The following MTX3 variants were observed in gnomAD, a reference collection of about 807,000 sequenced individuals.
The protein encoded by MTX3 is metaxin-3.
MTX3 carries 27 observed loss-of-function variants against 42.5 expected under a neutral mutation model. The ratio of observed to expected loss-of-function variants is 0.64; its 90% CI spans 0.47 to 0.88. MTX3 has a LOEUF of 0.88. MTX3 is among the 40% of genes least tolerant of loss of function. The pLI, the probability that MTX3 is intolerant of heterozygous loss-of-function variation, is 0.00. For missense variants in MTX3, 378 were observed against 367.0 expected (o/e 1.03, Z -0.25); for synonymous variants, 144 against 132.9 (o/e 1.08, Z -0.57).
At chr5:79,985,515 T>C in intron 8 of MTX3, 56 bp downstream of exon 8, 1 of 1,180,876 alleles carries the variant, frequency 8.5e-7, no homozygotes, top group Non-Finnish European at 1.3e-6. Flanking sequence ...AATGACAATA[T>C]TAGCTACCGA....
At position 79,988,448 on chromosome 5, in the gene MTX3, A is replaced by G; in HGVS notation, c.504+14T>C. On this transcript the variant is annotated intron_variant, in intron 5 of 8. Transcript: ENST00000512528. ...TCTCTAGGGCCCTTGCTTGAAGAAT[A>G]ATCCATACTATACCTGTGCTTCCAC... 1 of 1,602,196 alleles carries G rather than the reference A, an allele frequency of 6.2e-7. No individual in the cohort carries two copies. Among genetic ancestry groups the G allele is most frequent in the East Asian group, 2.2e-5 (1 of 44,794 alleles).
intron 6 of MTX3, among the ~76,000 whole-genome samples, chr5:79,987,392 A>G (rs1296313142): frequency 6.7e-6 from 1 of 149,032 alleles, no homozygotes; most frequent in Non-Finnish European, 1.5e-5. Flanking sequence ...ATGAGCCAAG[A>G]TCATGCCACT....
chr5:79,987,309 G>A (rs1831517598), intron 6 of MTX3, among the ~76,000 whole-genome samples: 1 of 151,672 alleles, frequency 6.6e-6, no homozygotes, highest in Admixed American at 6.6e-5. Context: ...GCGTGGTGGT[G>A]GGCACCTGTA....
chr5:79,989,360 A>C lies in MTX3; in HGVS notation c.229-116T>G, dbSNP rs1222027. 1.4e-3 allele frequency: 904 copies of C among 648,092 alleles called. 16 individuals carry two copies. In the East Asian group the frequency reaches 0.021, roughly 15 times the overall value. The allele number at this position is 648,092 out of a possible 1,614,324, so 40.1% of individuals were successfully genotyped here. ...TTACAAATAGCAAACGTGGTATTAA[A>C]ATGGGAGAAAGAGAAATACAAATCC... On this transcript the variant is annotated intron_variant, in intron 3 of 8. Coordinates refer to ENST00000512528, the MANE Select transcript of MTX3 (RefSeq NM_001363818.2).
rs766702706 is a variant in MTX3 at position 79,983,791 on chromosome 5, C to T, written c.832G>A (p.Asp278Asn). 2 of 1,609,322 alleles carry T rather than the reference C, an allele frequency of 1.2e-6. No individual in the cohort carries two copies. The highest frequency in any genetic ancestry group is 2.2e-5 in the South Asian group (2 of 90,818). ...TGAGGGCTTTGGCGAAGATTGTCATCCATCTGTAGAAAGTACAAAAGATAC... is the reference window on the plus strand; with the variant it reads ...TGAGGGCTTTGGCGAAGATTGTCATTCATCTGTAGAAAGTACAAAAGATAC... ...NKESNLIEKM[D>N]DNLRQSPQLP... Residue 278 changes from aspartate (D) to asparagine (N), a missense_variant, in exon 9 of 9, where the codon GAT (aspartate) becomes AAT (asparagine). Physicochemically the swap from Asp to Asn is conservative, Grantham distance 23. Coordinates refer to ENST00000512528, the MANE Select transcript of MTX3 (RefSeq NM_001363818.2).
At chr5:79,990,125 T>C (rs779023910) in intron 3 of MTX3, 35 bp downstream of exon 3, 33 of 1,388,752 alleles carry the variant, frequency 2.4e-5, no homozygotes, top group Non-Finnish European at 3.3e-5. Context: ...GGATCAACAA[T>C]CTACCAATCT....
intron 8 of MTX3, among the ~76,000 whole-genome samples, chr5:79,984,324 T>C (rs182376958): frequency 9.3e-4 from 141 of 152,340 alleles, no homozygotes; most frequent in African/African-American, 3.3e-3. Flanking sequence ...CCAAAACTAT[T>C]ATTCTTTCAA....
In MTX3 at chr5:79,989,233, A is replaced by G. The variant is rs372932520; in HGVS notation, c.240T>C (p.Ala80=). Reference sequence around the variant, plus strand: ...CTTGTTTTGCTGAGAGTTCATAATCAGCATTATATTTCTATTAAAAAAAAA... The same window carrying G: ...CTTGTTTTGCTGAGAGTTCATAATCGGCATTATATTTCTATTAAAAAAAAA... ...LNFLRKQKYN[A]DYELSAKQGA... Residue 80 remains alanine, a synonymous_variant, in exon 4 of 9, where the codon GCT becomes GCC. Coordinates refer to ENST00000512528, the MANE Select transcript of MTX3 (RefSeq NM_001363818.2). The G allele has an allele frequency of 1.3e-6, 2 of 1,593,118 alleles. No homozygotes were observed.
At position 79,990,596 on chromosome 5, in the gene MTX3, C is replaced by T. The variant is rs61998228; in HGVS notation, c.149G>A (p.Arg50Lys). The T allele has an allele frequency of 0.019, 30,013 of 1,603,524 alleles. 780 individuals carry two copies. The highest frequency in any genetic ancestry group is 0.11 in the East Asian group (4,881 of 44,782). ...GAGTGTAAAGGTTTACACTATACCT[C>T]TTGAACCTCTCCAGGTGTTATCTAT... ...NVIDNTWRGS[R>K]GDVPILTTED... The change falls in exon 2 of 9, where the codon AGA (arginine) becomes AAA (lysine). Residue 50 changes from arginine to lysine, a missense_variant and splice_region_variant. Arg to Lys is a conservative substitution (Grantham distance 26). Transcript: ENST00000512528.
chr5:79,991,035 A>G, intron 1 of MTX3, 123 bp downstream of exon 1: 1 of 1,031,514 alleles, frequency 9.7e-7, no homozygotes. Context: ...GCCCAGGGCA[A>G]TGCAGCGTGC....
rs1831405440 is a variant in MTX3, at chr5:79,982,922, G to C, written c.*762C>G. 1 of 154,566 alleles carries C rather than the reference G, an allele frequency of 6.5e-6. No individual in the cohort carries two copies. The highest frequency in any genetic ancestry group is 2.4e-5 in the African/African-American group (1 of 41,428). 9.6% of individuals were successfully genotyped at this position (154,566 alleles called of 1,614,324 possible). A position where few individuals can be genotyped will look rare whatever the true frequency, so the allele number is the denominator to read the frequency against. On this transcript the variant is annotated 3_prime_UTR_variant, in exon 9 of 9. Transcript: ENST00000512528. ...CTTCTTCTGGAATTAATACAAGAAA[G>C]ACAACTGAAGATGTACTACAAAGAC...
chr5:79,987,120 T>G lies in MTX3; in HGVS notation c.582-13A>C. On this transcript the variant is annotated splice_polypyrimidine_tract_variant and intron_variant, in intron 6 of 8. Coordinates refer to ENST00000512528, the MANE Select transcript of MTX3 (RefSeq NM_001363818.2). ...CAAGGTAGAAGGCCTAGAAATAAAT[T>G]AAGGATTTTTAAAGCACATAAGACA... 1 of 1,611,800 alleles carries G rather than the reference T, an allele frequency of 6.2e-7. No individual in the cohort carries two copies. Among genetic ancestry groups the G allele is most frequent in the African/African-American group, 1.3e-5 (1 of 74,714 alleles).
Position 79,987,014 on chromosome 5 carries a change from C to T in MTX3, c.675G>A (p.Gln225=). 1 of 1,613,998 alleles carries T rather than the reference C, an allele frequency of 6.2e-7. No individual in the cohort carries two copies. Among genetic ancestry groups the T allele is most frequent in the Non-Finnish European group, 8.5e-7 (1 of 1,179,886 alleles). The change falls in exon 7 of 9, where the codon CAG becomes CAA. Residue 225 remains glutamine (Q), a synonymous_variant. Transcript: ENST00000512528. ...PKVQLQEHLK[Q]LSNLCRFCDD... is the part of the protein sequence containing the mutation. ...CACAAAAGCGACAGAGGTTGGAGAG[C>T]TGTTTCAGATGTTCTTGTAGCTGAA...
chr5:79,987,134 G>T (rs1055499685), intron 6 of MTX3, 27 bp from the exon 7 acceptor site: 8 of 1,609,684 alleles, frequency 5.0e-6, no homozygotes, highest in Non-Finnish European at 6.8e-6. Flanking sequence ...GATTTTTAAA[G>T]CACATAAGAC....
intron 6 of MTX3, 107 bp from the exon 7 acceptor site, chr5:79,987,214 G>A: frequency 1.1e-6 from 1 of 929,086 alleles, no homozygotes; most frequent in Non-Finnish European, 1.6e-6. Flanking sequence ...TCAAGCGGGG[G>A]CAGATCACTT....
chr5:79,991,002 T>G, intron 1 of MTX3, 156 bp downstream of exon 1: 1 of 828,106 alleles, frequency 1.2e-6, no homozygotes. Context: ...ATCGGCCAGG[T>G]TGGGACTCGT....
Position 79,979,560 on chromosome 5 carries a change from G to C in MTX3, c.*4124C>G, listed in dbSNP as rs2151138323. ...AAGCTACACCTTCTTCATTAAAGGT[G>C]AGCATCTTGTCACACTGTGCATATG... On this transcript the variant is annotated 3_prime_UTR_variant, in exon 9 of 9. Coordinates refer to ENST00000512528, the MANE Select transcript of MTX3 (RefSeq NM_001363818.2). 6.6e-6 allele frequency: 1 copy of C among 152,350 alleles called. No homozygotes were observed. The highest frequency in any genetic ancestry group is 6.5e-5 in the Admixed American group (1 of 15,306). 9.4% of individuals were successfully genotyped at this position (152,350 alleles called of 1,614,324 possible). A position where few individuals can be genotyped will look rare whatever the true frequency, so the allele number is the denominator to read the frequency against.
chr5:79,989,187 T>C lies in MTX3; in HGVS notation c.286A>G (p.Ile96Val). 2 of 1,609,318 alleles carry C rather than the reference T, an allele frequency of 1.2e-6. No individual in the cohort carries two copies. The highest frequency in any genetic ancestry group is 1.7e-6 in the Non-Finnish European group (2 of 1,177,662). ...AKQGADTLAY[I>V]ALLEEKLLPA... The stretch of plus-strand genomic sequence containing the variant: ...AGAAGCTTCTCTTCGAGGAGAGCAA[T>C]ATAAGCCAATGTATCTGCCCCTTGT... The change falls in exon 4 of 9, where the codon ATT becomes GTT. Residue 96 changes from isoleucine to valine, a missense_variant. Transcript: ENST00000512528.
At position 79,987,055 on chromosome 5, in the gene MTX3, C is replaced by G. The variant is rs532941358; in HGVS notation, c.634G>C (p.Val212Leu). Residue 212 changes from valine to leucine, a missense_variant, in exon 7 of 9, where the codon GTA (valine) becomes CTA (leucine). Val to Leu is a conservative substitution (Grantham distance 32, BLOSUM62 1). Coordinates refer to ENST00000512528, the MANE Select transcript of MTX3 (RefSeq NM_001363818.2). ...VFGFLAPLYK[V>L]RFPKVQLQEH... is the part of the protein sequence containing the mutation. ...TGTAGCTGAACTTTAGGAAACCGTA[C>G]TTTGTAAAGAGGTGCAAGAAAACCA... The G allele has an allele frequency of 6.2e-7, 1 of 1,613,936 alleles. No individual in the cohort carries two copies. Among genetic ancestry groups the G allele is most frequent in the South Asian group, 1.1e-5 (1 of 91,082 alleles).
Sources: gnomAD v4.1 joint callset for allele counts (sites outside exome capture counted in the v4.1 genomes callset) on GRCh38, gnomAD v4.1.1 for gene constraint, MANE v1.5 for transcripts, NCBI Gene and HGNC (gene_info 2026-07-23, HGNC 2026-07-21) for gene names.